The following ADD2 variants were observed in gnomAD, a reference collection of about 807,000 sequenced individuals.
ADD2 encodes the protein adducin 2.
In ADD2, 23 loss-of-function variants were observed where a neutral mutation model predicts 83.0. The observed-to-expected ratio is 0.28, with a 90% confidence interval of 0.20 to 0.39. ADD2 has a LOEUF of 0.39. Among genes scored for constraint, ADD2 ranks in the 10% least tolerant of loss-of-function variants. ADD2 has a pLI of 1.00. For missense variants in ADD2, 758 were observed against 944.9 expected (o/e 0.80, Z 2.59); for synonymous variants, 375 against 375.4 (o/e 1.00, Z 0.01).
chr2:70,724,136 C>T (rs540664271), intron 1 of ADD2, among the ~76,000 whole-genome samples: 3 of 152,284 alleles, frequency 2.0e-5, no homozygotes, highest in East Asian at 1.9e-4. Context: ...GTACCTTCAT[C>T]GTGTTAAATG....
chr2:70,707,587 G>A (rs782577226), intron 2 of ADD2, among the ~76,000 whole-genome samples: 3 of 152,144 alleles, frequency 2.0e-5, no homozygotes, highest in Admixed American at 1.3e-4. Flanking sequence ...TTCCTGTGTC[G>A]GCACTGCAAG....
At chr2:70,704,598 A>G (rs1338608717) in intron 3 of ADD2, 139 bp from the exon 4 acceptor site, 3 of 920,738 alleles carry the variant, frequency 3.3e-6, no homozygotes, top group Admixed American at 5.3e-5. Context: ...TACAGGGGAC[A>G]CTGAGCAGTT....
At chr2:70,762,428 A>AG (rs1675165547) in intron 1 of ADD2, among the ~76,000 whole-genome samples, 1 of 151,844 alleles carries the variant, frequency 6.6e-6, no homozygotes, top group Non-Finnish European at 1.5e-5. Context: ...TGTGTCACAG[A>AG]GGATAACCAG....
chr2:70,664,250 G>A (rs368671704), intron 15 of ADD2, among the ~76,000 whole-genome samples: 15 of 152,338 alleles, frequency 9.8e-5, no homozygotes, highest in African/African-American at 3.4e-4. Flanking sequence ...CAGAGGGAGA[G>A]TGGAATTCCT....
intron 1 of ADD2, among the ~76,000 whole-genome samples, chr2:70,728,117 T>A (rs1474474807): frequency 1.3e-5 from 2 of 152,156 alleles, no homozygotes; most frequent in Non-Finnish European, 2.9e-5. Flanking sequence ...ATTCTCCCCA[T>A]GTCATATTCA....
At chr2:70,759,202 C>T (rs1319775653) in intron 1 of ADD2, among the ~76,000 whole-genome samples, 1 of 152,142 alleles carries the variant, frequency 6.6e-6, no homozygotes, top group African/African-American at 2.4e-5. Context: ...TATTCAGGTA[C>T]CTAGATCCTA....
chr2:70,699,350 G>T (rs1203068415), intron 4 of ADD2, among the ~76,000 whole-genome samples: 4 of 152,048 alleles, frequency 2.6e-5, no homozygotes, highest in African/African-American at 9.7e-5. Flanking sequence ...TGAAATACAG[G>T]GATAAGGGGA....
intron 1 of ADD2, among the ~76,000 whole-genome samples, chr2:70,745,612 C>G (rs1338877466): frequency 6.6e-6 from 1 of 152,188 alleles, no homozygotes. Flanking sequence ...GATCTCCATC[C>G]AAAGCCAGAC....
chr2:70,683,142 G>A (rs1202868217), intron 10 of ADD2, among the ~76,000 whole-genome samples: 1 of 150,836 alleles, frequency 6.6e-6, no homozygotes, highest in African/African-American at 2.4e-5. Flanking sequence ...CTCAGCCTCA[G>A]CCTCCTGAGT....
Position 70,677,872 on chromosome 2 carries a change from C to T in ADD2, c.1389G>A (p.Met463Ile), listed in dbSNP as rs374495574. Residue 463 changes from methionine (M) to isoleucine (I), a missense_variant, in exon 12 of 16, where the codon ATG becomes ATA. Met to Ile is a conservative substitution (Grantham distance 10, BLOSUM62 1). Transcript: ENST00000264436. ...TGGATTTCTCCACCTCGTCAGCCTT[C>T]ATCCACTGCACAAACACAAGGTCAT... ...MGSPRPKTTWMKADEVEKSSS... is the reference protein window; with the variant it reads ...MGSPRPKTTWIKADEVEKSSS... 6.2e-7 allele frequency: 1 copy of T among 1,614,104 alleles called. No homozygotes were observed. The highest frequency in any genetic ancestry group is 8.5e-7 in the Non-Finnish European group (1 of 1,180,040).
intron 1 of ADD2, among the ~76,000 whole-genome samples, chr2:70,747,064 C>T (rs2104517253): frequency 7.2e-6 from 1 of 139,820 alleles, no homozygotes; most frequent in Non-Finnish European, 1.5e-5. Context: ...GGCTGGAGTG[C>T]AGTGGAGCTG....
chr2:70,733,656 G>A (rs1553379679), intron 1 of ADD2, among the ~76,000 whole-genome samples: 1 of 152,172 alleles, frequency 6.6e-6, no homozygotes, highest in East Asian at 1.9e-4. Flanking sequence ...AACAAAACAT[G>A]TTATCAAAAA....
At chr2:70,685,625 C>T (rs1670677860) in intron 9 of ADD2, among the ~76,000 whole-genome samples, 1 of 152,168 alleles carries the variant, frequency 6.6e-6, no homozygotes, top group Non-Finnish European at 1.5e-5. Flanking sequence ...ATGAAAATAG[C>T]AGAACCTACC....
At position 70,765,069 on chromosome 2, in the gene ADD2, T is replaced by C. The variant is rs1207948316; in HGVS notation, c.-154+2817A>G. ...TTTCTGGTCTCGGAATCAAGAACTG[T>C]TGGTTGGGCAAAGTGGCTCACACTT... is the stretch of plus-strand genomic sequence containing the variant. On this transcript the variant is annotated intron_variant, in intron 1 of 15. Coordinates refer to ENST00000264436, the MANE Select transcript of ADD2 (RefSeq NM_001617.4). Among the ~76,000 whole-genome samples the C allele has an allele frequency of 5.3e-5, 8 of 151,946 alleles. 1 individual carries two copies. Among genetic ancestry groups the C allele is most frequent in the African/African-American group, 1.9e-4 (8 of 41,244 alleles).
chr2:70,683,543 G>T (rs1043743497), intron 10 of ADD2, 48 bp downstream of exon 10: 23 of 1,566,366 alleles, frequency 1.5e-5, no homozygotes, highest in Non-Finnish European at 1.7e-5. Context: ...GTTCCAGGGG[G>T]CTAAGCCTCA....
chr2:70,764,492 T>A (rs1675281232), intron 1 of ADD2, among the ~76,000 whole-genome samples: 1 of 151,984 alleles, frequency 6.6e-6, no homozygotes, highest in Non-Finnish European at 1.5e-5. Context: ...TCACCCAGGC[T>A]GTGGCTGGAG....
Position 70,745,693 on chromosome 2 carries a change from A to AAAGC in ADD2, c.-154+22189_-154+22192dup, listed in dbSNP as rs566280078. Among the ~76,000 whole-genome samples, 238 of 152,352 alleles carry AAAGC rather than the reference A, an allele frequency of 1.6e-3. 2 individuals carry two copies. Among genetic ancestry groups the AAAGC allele is most frequent in the African/African-American group, 5.3e-3 (222 of 41,586 alleles). On this transcript the variant is annotated intron_variant, in intron 1 of 15. Transcript: ENST00000264436. ...AGATTGCTTGCCCCTCTTTCCTGAGAAAGCACAGCAGATGCTTTTTATATA... is the reference window on the plus strand; with the variant it reads ...AGATTGCTTGCCCCTCTTTCCTGAGAAAGCAAGCACAGCAGATGCTTTTTATATA...
Position 70,693,523 on chromosome 2 carries a change from A to G in ADD2, c.556-971T>C, listed in dbSNP as rs1297512866. Among the ~76,000 whole-genome samples the G allele has an allele frequency of 7.2e-5, 11 of 152,288 alleles. No individual in the cohort carries two copies. In the East Asian group the frequency reaches 2.1e-3, roughly 29 times the overall value. ...GTATCAAAGCAGGGAGACAGACTCT[A>G]ATGTGGGCGGAGGGATGTGCTGCTG... On this transcript the variant is annotated intron_variant, in intron 6 of 15. Coordinates refer to ENST00000264436, the MANE Select transcript of ADD2 (RefSeq NM_001617.4).
intron 1 of ADD2, among the ~76,000 whole-genome samples, chr2:70,732,154 G>A (rs1673314690): frequency 6.6e-6 from 1 of 152,180 alleles, no homozygotes; most frequent in Non-Finnish European, 1.5e-5. Flanking sequence ...AAGGAAGGCA[G>A]GACAAAGTGA....
Sources: allele counts gnomAD v4.1 joint callset (sites outside exome capture counted in the v4.1 genomes callset), GRCh38; gene constraint gnomAD v4.1.1; transcripts MANE v1.5; gene names NCBI Gene and HGNC (gene_info 2026-07-23, HGNC 2026-07-21).